The following CDH13 variants were observed in gnomAD, a reference collection of about 807,000 sequenced individuals.
The protein encoded by CDH13 is cadherin-13.
Under a neutral mutation model 63.8 loss-of-function variants are expected in CDH13, and 24 were observed. The ratio of observed to expected loss-of-function variants is 0.38; its 90% CI spans 0.27 to 0.53. The LOEUF (loss-of-function observed/expected upper bound fraction) is 0.53, where lower values mean the gene tolerates loss of function less well. Ranked by LOEUF, CDH13 falls within the 20% of genes least tolerant of loss-of-function variation. The pLI, the probability that CDH13 is intolerant of heterozygous loss-of-function variation, is 0.85. For synonymous variants in CDH13, 503 were observed against 355.3 expected, an observed-to-expected ratio of 1.42 and a Z score of -4.67; for missense variants, 1,049 against 903.1, an observed-to-expected ratio of 1.16 and a Z score of -2.07.
intron 7 of CDH13, among the ~76,000 whole-genome samples, chr16:83,541,637 G>C (rs1014153253): frequency 6.6e-6 from 1 of 152,216 alleles, no homozygotes; most frequent in African/African-American, 2.4e-5. Flanking sequence ...AAGGTCTAGA[G>C]GAAGGCACAG....
At chr16:82,836,448 C>T (rs979611671) in intron 1 of CDH13, among the ~76,000 whole-genome samples, 1 of 152,094 alleles carries the variant, frequency 6.6e-6, no homozygotes, top group Admixed American at 6.5e-5. Flanking sequence ...CTGTGCCTGG[C>T]CAAGACGTAA....
At chr16:83,181,627 G>A (rs1468189011) in intron 4 of CDH13, among the ~76,000 whole-genome samples, 1 of 152,192 alleles carries the variant, frequency 6.6e-6, no homozygotes, top group Non-Finnish European at 1.5e-5. Flanking sequence ...AGGTTGAGTT[G>A]AGCCGCATGC....
chr16:83,497,926 A>T (rs1398025142), intron 7 of CDH13, among the ~76,000 whole-genome samples: 5 of 152,234 alleles, frequency 3.3e-5, no homozygotes, highest in Admixed American at 2.6e-4. Flanking sequence ...GAAACTAATC[A>T]TGGGTGATGG....
intron 11 of CDH13, among the ~76,000 whole-genome samples, chr16:83,754,385 C>T (rs1371172589): frequency 2.6e-5 from 4 of 152,152 alleles, no homozygotes; most frequent in African/African-American, 4.8e-5. Context: ...TGCCCAGCAA[C>T]AGGAGTAAGC....
chr16:82,650,849 T>G (rs1035490063), intron 1 of CDH13, among the ~76,000 whole-genome samples: 1 of 152,216 alleles, frequency 6.6e-6, no homozygotes, highest in African/African-American at 2.4e-5. Flanking sequence ...CCTCTAAGTT[T>G]GGTTGTAAGC....
At chr16:83,626,021 T>G (rs1235087065) in intron 8 of CDH13, among the ~76,000 whole-genome samples, 3 of 151,686 alleles carry the variant, frequency 2.0e-5, no homozygotes, top group African/African-American at 4.8e-5. Flanking sequence ...CTTTTTTTTT[T>G]TTTTTTCAAA....
chr16:83,386,520 A>G (rs989477047), intron 6 of CDH13, among the ~76,000 whole-genome samples: 1 of 152,218 alleles, frequency 6.6e-6, no homozygotes, highest in Non-Finnish European at 1.5e-5. Flanking sequence ...TTGGTTCAAA[A>G]TAAGTGGGAT....
intron 1 of CDH13, among the ~76,000 whole-genome samples, chr16:82,684,341 C>G (rs960132208): frequency 5.3e-5 from 8 of 152,104 alleles, no homozygotes; most frequent in African/African-American, 1.9e-4. Flanking sequence ...GGTCATCAGT[C>G]CCTTAGATAA....
intron 5 of CDH13, among the ~76,000 whole-genome samples, chr16:83,339,707 C>T (rs1222592949): frequency 6.6e-6 from 1 of 152,110 alleles, no homozygotes; most frequent in Non-Finnish European, 1.5e-5. Flanking sequence ...TCACAGATGT[C>T]CCCCACCTCC....
chr16:82,788,688 A>G (rs1045074347), intron 1 of CDH13, among the ~76,000 whole-genome samples: 1 of 152,230 alleles, frequency 6.6e-6, no homozygotes, highest in African/African-American at 2.4e-5. Context: ...GGCAGAAGCC[A>G]GCAGATCTCA....
At chr16:82,631,917 C>A (rs951634925) in intron 1 of CDH13, among the ~76,000 whole-genome samples, 1 of 152,134 alleles carries the variant, frequency 6.6e-6, no homozygotes, top group Non-Finnish European at 1.5e-5. Context: ...ACTCATCTAT[C>A]CCAAACCTGC....
At chr16:83,135,631 C>T (rs182674848) in intron 4 of CDH13, among the ~76,000 whole-genome samples, 1 of 152,168 alleles carries the variant, frequency 6.6e-6, no homozygotes, top group African/African-American at 2.4e-5. Context: ...CCTGAAAGAA[C>T]TAAAACTAGA....
At chr16:83,294,094 T>C (rs188574924) in intron 5 of CDH13, among the ~76,000 whole-genome samples, 67 of 152,150 alleles carry the variant, frequency 4.4e-4, no homozygotes, top group African/African-American at 1.6e-3. Context: ...TCTTTTAGAA[T>C]TTTTTCCTTT....
At chr16:82,911,349 C>G (rs1323188751) in intron 2 of CDH13, among the ~76,000 whole-genome samples, 1 of 152,208 alleles carries the variant, frequency 6.6e-6, no homozygotes, top group Non-Finnish European at 1.5e-5. Context: ...TTAGCACTTC[C>G]TTTTCATCAT....
chr16:82,857,701 T>A (rs1288989894), intron 1 of CDH13, among the ~76,000 whole-genome samples: 1 of 152,234 alleles, frequency 6.6e-6, no homozygotes. Flanking sequence ...TTAATTTTAA[T>A]AACATATATT....
chr16:83,300,856 A>G (rs1273633868), intron 5 of CDH13, among the ~76,000 whole-genome samples: 1 of 152,130 alleles, frequency 6.6e-6, no homozygotes, highest in African/African-American at 2.4e-5. Flanking sequence ...CATCCTGGGA[A>G]GGAAAGCTAC....
chr16:83,479,024 G>A (rs371416682), intron 6 of CDH13, among the ~76,000 whole-genome samples: 2 of 152,158 alleles, frequency 1.3e-5, no homozygotes, highest in Admixed American at 6.5e-5. Flanking sequence ...GGCTGCCTCT[G>A]GATCCCTATC....
chr16:83,490,493 C>G (rs763260488), intron 7 of CDH13, among the ~76,000 whole-genome samples: 2 of 152,152 alleles, frequency 1.3e-5, no homozygotes, highest in Admixed American at 1.3e-4. Context: ...CACATGGAGC[C>G]ATCTGAGGCA....
At chr16:82,947,908 T>G (rs954380323) in intron 2 of CDH13, among the ~76,000 whole-genome samples, 7 of 152,000 alleles carry the variant, frequency 4.6e-5, no homozygotes, top group African/African-American at 1.7e-4. Context: ...TAGTTGGGAG[T>G]GTGTGACATT....
Sources: allele counts gnomAD v4.1 joint callset (sites outside exome capture counted in the v4.1 genomes callset), GRCh38; gene constraint gnomAD v4.1.1; transcripts MANE v1.5; gene names NCBI Gene and HGNC (gene_info 2026-07-23, HGNC 2026-07-21).